Variants in TSPAN5 observed in about 807,000 individuals in gnomAD.
TSPAN5 encodes tetraspanin-5.
In TSPAN5, 10 loss-of-function variants were observed where a neutral mutation model predicts 37.1. The ratio of observed to expected loss-of-function variants is 0.27; its 90% CI spans 0.17 to 0.46. TSPAN5 has a LOEUF of 0.46. Ranked by LOEUF, TSPAN5 falls within the 20% of genes least tolerant of loss-of-function variation. TSPAN5 has a pLI of 1.00. For synonymous variants in TSPAN5, 110 were observed against 118.9 expected (o/e 0.93, Z 0.48); for missense variants, 195 against 326.6 (o/e 0.60, Z 3.11).
At chr4:98,642,076 G>A (rs1235202802) in intron 1 of TSPAN5, among the ~76,000 whole-genome samples, 1 of 152,178 alleles carries the variant, frequency 6.6e-6, no homozygotes, top group African/African-American at 2.4e-5. Flanking sequence ...TCTAATACTT[G>A]AGTGCTAAAA....
At chr4:98,525,650 C>A (rs748767211) in intron 1 of TSPAN5, among the ~76,000 whole-genome samples, 2 of 150,800 alleles carry the variant, frequency 1.3e-5, no homozygotes, top group Non-Finnish European at 3.0e-5. Flanking sequence ...GATCTCGGCT[C>A]ACTGCAACCT....
chr4:98,605,823 T>A (rs1046130089), intron 1 of TSPAN5, among the ~76,000 whole-genome samples: 2 of 152,198 alleles, frequency 1.3e-5, no homozygotes, highest in African/African-American at 4.8e-5. Context: ...CCATCCAGCA[T>A]TGGTCAAAAA....
intron 1 of TSPAN5, among the ~76,000 whole-genome samples, chr4:98,585,356 C>G (rs1755464979): frequency 6.6e-6 from 1 of 152,072 alleles, no homozygotes; most frequent in South Asian, 2.1e-4. Flanking sequence ...GTCACACAGA[C>G]TGGAGTGCAG....
chr4:98,647,174 G>A (rs576428033), intron 1 of TSPAN5, among the ~76,000 whole-genome samples: 3 of 152,242 alleles, frequency 2.0e-5, no homozygotes, highest in African/African-American at 4.8e-5. Flanking sequence ...TGAACCAGAC[G>A]AAGAATTCTT....
At chr4:98,562,561 TG>T (rs1156755565) in intron 1 of TSPAN5, among the ~76,000 whole-genome samples, 1 of 152,092 alleles carries the variant, frequency 6.6e-6, no homozygotes, top group Non-Finnish European at 1.5e-5. Context: ...CTCAGGAGGC[TG>T]AGGCAGGAGA....
At chr4:98,544,188 T>A (rs1754420257) in intron 1 of TSPAN5, among the ~76,000 whole-genome samples, 1 of 151,108 alleles carries the variant, frequency 6.6e-6, no homozygotes, top group South Asian at 2.1e-4. Flanking sequence ...TCTGAATGAA[T>A]GAATGAATGA....
At chr4:98,515,982 C>G (rs144492360) in intron 1 of TSPAN5, among the ~76,000 whole-genome samples, 47 of 152,304 alleles carry the variant, frequency 3.1e-4, no homozygotes, top group African/African-American at 1.1e-3. Flanking sequence ...CTAGATGCAT[C>G]TTTCCTCTCC....
chr4:98,573,183 T>C (rs1468952901), intron 1 of TSPAN5, among the ~76,000 whole-genome samples: 2 of 152,208 alleles, frequency 1.3e-5, no homozygotes, highest in African/African-American at 4.8e-5. Context: ...GCTTTGACCA[T>C]GGCTATTAAC....
intron 1 of TSPAN5, among the ~76,000 whole-genome samples, chr4:98,588,883 T>C (rs371161055): frequency 1.3e-5 from 2 of 152,320 alleles, no homozygotes; most frequent in African/African-American, 4.8e-5. Flanking sequence ...TTTTAAGGTG[T>C]CTTCATTTAT....
chr4:98,638,695 CA>C (rs1325704938), intron 1 of TSPAN5, among the ~76,000 whole-genome samples: 1 of 152,164 alleles, frequency 6.6e-6, no homozygotes, highest in Admixed American at 6.5e-5. Context: ...CTGGAAGCTC[CA>C]CCTGTATCTG....
intron 1 of TSPAN5, among the ~76,000 whole-genome samples, chr4:98,556,064 C>G (rs936909322): frequency 2.9e-5 from 4 of 136,976 alleles, no homozygotes; most frequent in African/African-American, 8.4e-5. Context: ...CACACACACA[C>G]AGGTAGGAAT....
At chr4:98,641,773 G>C (rs184712707) in intron 1 of TSPAN5, among the ~76,000 whole-genome samples, 1 of 152,244 alleles carries the variant, frequency 6.6e-6, no homozygotes, top group East Asian at 1.9e-4. Flanking sequence ...AATCCACCAG[G>C]ACTCCCACTG....
intron 1 of TSPAN5, among the ~76,000 whole-genome samples, chr4:98,552,407 A>G (rs539133647): frequency 1.3e-5 from 2 of 152,256 alleles, no homozygotes; most frequent in South Asian, 4.1e-4. Context: ...ATTTTCATTC[A>G]AGGAATTATG....
intron 1 of TSPAN5, among the ~76,000 whole-genome samples, chr4:98,535,021 G>GCC (rs2110134074): frequency 6.6e-6 from 1 of 152,258 alleles, no homozygotes; most frequent in African/African-American, 2.4e-5. Flanking sequence ...GGGGCATTTA[G>GCC]CATGTTTACA....
intron 1 of TSPAN5, among the ~76,000 whole-genome samples, chr4:98,641,031 C>T (rs772464038): frequency 1.4e-4 from 22 of 152,154 alleles, no homozygotes; most frequent in African/African-American, 2.4e-4. Flanking sequence ...TATCAAGGCC[C>T]ATGTTTGAAT....
chr4:98,498,584 AGAG>A (rs1178721596), intron 2 of TSPAN5, among the ~76,000 whole-genome samples: 1 of 152,166 alleles, frequency 6.6e-6, no homozygotes, highest in Non-Finnish European at 1.5e-5. Flanking sequence ...AAAAGGGGTC[AGAG>A]GAGGACTGAG....
At chr4:98,488,210 C>G (rs76004705) in intron 2 of TSPAN5, among the ~76,000 whole-genome samples, 1 of 152,138 alleles carries the variant, frequency 6.6e-6, no homozygotes. Flanking sequence ...ATTTCAGTAC[C>G]AAGCAGGGGC....
At chr4:98,549,466 G>GT (rs1408624236) in intron 1 of TSPAN5, among the ~76,000 whole-genome samples, 1 of 151,638 alleles carries the variant, frequency 6.6e-6, no homozygotes, top group Non-Finnish European at 1.5e-5. Context: ...CCCAGCTAGT[G>GT]TTTTTTGTAT....
chr4:98,618,641 G>A (rs569733733), intron 1 of TSPAN5, among the ~76,000 whole-genome samples: 1 of 152,266 alleles, frequency 6.6e-6, no homozygotes, highest in African/African-American at 2.4e-5. Context: ...ATCAATAAAA[G>A]GGGCAGAGTC....
Sources: allele counts gnomAD v4.1 joint callset (sites outside exome capture counted in the v4.1 genomes callset), GRCh38; gene constraint gnomAD v4.1.1; transcripts MANE v1.5; gene names NCBI Gene and HGNC (gene_info 2026-07-23, HGNC 2026-07-21).